Variants in BOD1L1 observed in about 807,000 individuals in gnomAD.
BOD1L1 encodes the protein biorientation of chromosomes in cell division 1 like 1, also known as biorientation of chromosomes in cell division protein 1-like 1.
Under a neutral mutation model 240.7 loss-of-function variants are expected in BOD1L1, and 86 were observed. The ratio of observed to expected loss-of-function variants is 0.36; its 90% CI spans 0.30 to 0.43. The LOEUF is 0.43. Among genes scored for constraint, BOD1L1 ranks in the 20% least tolerant of loss-of-function variants. BOD1L1 has a pLI of 1.00. For missense variants in BOD1L1, 3,554 were observed against 3,643.5 expected (o/e 0.98, Z 0.63); for synonymous variants, 1,268 against 1,272.3 (o/e 1.00, Z 0.07).
At position 13,600,089 on chromosome 4, in the gene BOD1L1, C is replaced by T; in HGVS notation, c.6811G>A (p.Ala2271Thr). ...VEDCEGPVSS[A>T]VPQEEGDPSV... ...GGGTCGCCTTCCTCTTGAGGGACAG[C>T]ACTGGACACTGGGCCCTCACAGTCT... Residue 2271 changes from alanine (A) to threonine (T), a missense_variant, in exon 10 of 26, where the codon GCT becomes ACT. Around this residue, in one of 2 missense-constraint regions of BOD1L1, gnomAD observed 3,393 missense variants for 3,427.1 expected, o/e 0.99. Coordinates refer to ENST00000040738, the MANE Select transcript of BOD1L1 (RefSeq NM_148894.3). 6.2e-7 allele frequency: 1 copy of T among 1,613,738 alleles called. No homozygotes were observed. The highest frequency in any genetic ancestry group is 8.5e-7 in the Non-Finnish European group (1 of 1,179,798).
chr4:13,582,577 T>C (rs1713319919), intron 18 of BOD1L1, 75 bp downstream of exon 18: 3 of 1,120,778 alleles, frequency 2.7e-6, no homozygotes, highest in South Asian at 1.3e-5. Flanking sequence ...ATGAGCAAAA[T>C]AGACGTTTCG....
Position 13,601,914 on chromosome 4 carries a change from T to C in BOD1L1, c.4986A>G (p.Lys1662=). Residue 1662 remains lysine (K), a synonymous_variant, in exon 10 of 26, where the codon AAA becomes AAG. Coordinates refer to ENST00000040738, the MANE Select transcript of BOD1L1 (RefSeq NM_148894.3). The stretch of plus-strand genomic sequence containing the variant: ...AGTCTCTACTTAAAGAACCATCACA[T>C]TTTTCTTCAGAGCCTGCACTGGTTA... ...DAVTSAGSEE[K]CDGSLSRDSE... The C allele has an allele frequency of 6.2e-7, 1 of 1,613,946 alleles. No homozygotes were observed. Among genetic ancestry groups the C allele is most frequent in the Non-Finnish European group, 8.5e-7 (1 of 1,179,880 alleles).
chr4:13,626,975 C>T (rs144246917), intron 1 of BOD1L1, among the ~76,000 whole-genome samples: 1 of 152,306 alleles, frequency 6.6e-6, no homozygotes, highest in African/African-American at 2.4e-5. Context: ...AGGCCCTTAC[C>T]GCCCAGAAAC....
chr4:13,627,113 C>A (rs1717453123), intron 1 of BOD1L1, among the ~76,000 whole-genome samples: 1 of 152,222 alleles, frequency 6.6e-6, no homozygotes, highest in Admixed American at 6.5e-5. Flanking sequence ...ATGCCTTAGT[C>A]TTGCTCATCA....
rs1322410435 is a variant in BOD1L1 at position 13,614,339 on chromosome 4, T to C, written c.1031A>G (p.Lys344Arg). ...ACTCTTTTTTGAGTGATCAAATTTC[T>C]TTTCAGTCTTTTCCTTCTTTTCTTT... is the stretch of plus-strand genomic sequence containing the variant. ...RKKEKKEKTE[K>R]KFDHSKKSED... is the part of the protein sequence containing the mutation. The change falls in exon 4 of 26, where the codon AAG becomes AGG. Residue 344 changes from lysine to arginine, a missense_variant. Around this residue, in one of 2 missense-constraint regions of BOD1L1, gnomAD observed 3,393 missense variants for 3,427.1 expected, o/e 0.99. Coordinates refer to ENST00000040738, the MANE Select transcript of BOD1L1 (RefSeq NM_148894.3). 7 of 1,550,718 alleles carry C rather than the reference T, an allele frequency of 4.5e-6. No homozygotes were observed. The highest frequency in any genetic ancestry group is 6.1e-6 in the Non-Finnish European group (7 of 1,146,906).
intron 25 of BOD1L1, chr4:13,572,811 T>C (rs1560174907): frequency 2.3e-6 from 3 of 1,289,810 alleles, no homozygotes; most frequent in African/African-American, 3.0e-5. Flanking sequence ...AGTTTGGATG[T>C]TGCACGTGCA....
chr4:13,619,571 GTC>G (rs1420131034), intron 2 of BOD1L1, among the ~76,000 whole-genome samples: 1 of 152,118 alleles, frequency 6.6e-6, no homozygotes, highest in East Asian at 1.9e-4. Flanking sequence ...AATCTTTAAT[GTC>G]TTTATTTGTA....
chr4:13,615,055 G>T (rs1228377353), intron 3 of BOD1L1, among the ~76,000 whole-genome samples: 1 of 152,072 alleles, frequency 6.6e-6, no homozygotes, highest in Non-Finnish European at 1.5e-5. Context: ...CCTAGAAAAA[G>T]ACTATATTCT....
chr4:13,614,715 T>C lies in BOD1L1; in HGVS notation c.655A>G (p.Arg219Gly), dbSNP rs750470761. The C allele has an allele frequency of 6.2e-7, 1 of 1,613,956 alleles. No homozygotes were observed. Among genetic ancestry groups the C allele is most frequent in the Non-Finnish European group, 8.5e-7 (1 of 1,179,862 alleles). ...GCATTTGATGTTTCTGTTGAAGCCC[T>C]AGCAGCACTGGCTTCTTGGTTAAGA... ...TSLNQEASAA[R>G]ASTETSNAKT... The change falls in exon 4 of 26, where the codon AGG becomes GGG. Residue 219 changes from arginine to glycine, a missense_variant. Physicochemically the swap from Arg to Gly is moderately radical, Grantham distance 125. Coordinates refer to ENST00000040738, the MANE Select transcript of BOD1L1 (RefSeq NM_148894.3).
intron 25 of BOD1L1, among the ~76,000 whole-genome samples, chr4:13,573,168 C>T (rs1253641926): frequency 1.3e-5 from 2 of 152,082 alleles, no homozygotes; most frequent in African/African-American, 2.4e-5. Context: ...AATAAAGGGC[C>T]AAGATTAACG....
intron 17 of BOD1L1, among the ~76,000 whole-genome samples, chr4:13,585,829 C>T (rs1713636058): frequency 6.6e-6 from 1 of 152,204 alleles, no homozygotes. Flanking sequence ...AGTTCCCCTG[C>T]ACATGCCCTC....
intron 9 of BOD1L1, among the ~76,000 whole-genome samples, chr4:13,606,587 C>T (rs901608574): frequency 2.6e-5 from 4 of 152,106 alleles, no homozygotes; most frequent in East Asian, 1.9e-4. Flanking sequence ...TGGAAACAAC[C>T]TAAGCGCTAA....
At chr4:13,573,328 C>T (rs1481917518) in intron 25 of BOD1L1, among the ~76,000 whole-genome samples, 1 of 152,130 alleles carries the variant, frequency 6.6e-6, no homozygotes, top group Non-Finnish European at 1.5e-5. Flanking sequence ...TGAGGATGCA[C>T]ACTGAAGAAC....
At chr4:13,619,649 T>C (rs1477613518) in intron 2 of BOD1L1, among the ~76,000 whole-genome samples, 1 of 152,236 alleles carries the variant, frequency 6.6e-6, no homozygotes, top group Non-Finnish European at 1.5e-5. Flanking sequence ...GGCAACTGTA[T>C]ATATCATCTA....
chr4:13,595,997 G>A lies in BOD1L1; in HGVS notation c.8020-53C>T, dbSNP rs891019359. ...AAGTTAACCAGGGTTTTTACAAGAAGACTAACCTCAAGTGAATTAAACAAA... is the reference window on the plus strand; with the variant it reads ...AAGTTAACCAGGGTTTTTACAAGAAAACTAACCTCAAGTGAATTAAACAAA... On this transcript the variant is annotated intron_variant, in intron 11 of 25. Transcript: ENST00000040738. 4 of 1,454,406 alleles carry A rather than the reference G, an allele frequency of 2.8e-6. No individual in the cohort carries two copies. The African/African-American group carries it at 4.3e-5, about 16-fold the overall frequency. 90.1% of individuals were successfully genotyped at this position (1,454,406 alleles called of 1,614,324 possible).
chr4:13,604,443 A>G lies in BOD1L1; in HGVS notation c.2457T>C (p.Asn819=). 4 of 1,565,508 alleles carry G rather than the reference A, an allele frequency of 2.6e-6. No homozygotes were observed. The highest frequency in any genetic ancestry group is 3.4e-6 in the Non-Finnish European group (4 of 1,165,562). ...CTTTTTTGTTGTTTTCTTTACGAAC[A>G]TTCTCATCTGTTTTTATAATATATT... ...VSEYIIKTDE[N]VRKENNKKER... is the part of the protein sequence containing the mutation. The change falls in exon 10 of 26, where the codon AAT becomes AAC. Residue 819 remains asparagine (N), a synonymous_variant. Coordinates refer to ENST00000040738, the MANE Select transcript of BOD1L1 (RefSeq NM_148894.3).
chr4:13,573,259 A>T (rs748904257), intron 25 of BOD1L1, among the ~76,000 whole-genome samples: 4 of 152,182 alleles, frequency 2.6e-5, no homozygotes, highest in Non-Finnish European at 4.4e-5. Flanking sequence ...TGATTCCAGT[A>T]AAAACTCTGA....
Position 13,613,718 on chromosome 4 carries a change from C to A in BOD1L1, c.1175-57G>T. 1 of 1,341,358 alleles carries A rather than the reference C, an allele frequency of 7.5e-7. No homozygotes were observed. The allele number at this position is 1,341,358 out of a possible 1,614,324, so 83.1% of individuals were successfully genotyped here. On this transcript the variant is annotated intron_variant, in intron 4 of 25. Coordinates refer to ENST00000040738, the MANE Select transcript of BOD1L1 (RefSeq NM_148894.3). This position sits in a 1 kb window ranked among gnomAD's most constrained non-coding sequence, Gnocchi z 4.0. ...AATCATCTTATTATAAGAACATACT[C>A]AGAGCTCAATTACTAAATTACACTT...
In BOD1L1 at chr4:13,585,873, C is replaced by T. The variant is rs371337042; in HGVS notation, c.8433+523G>A. Among the ~76,000 whole-genome samples, 30 of 152,294 alleles carry T rather than the reference C, an allele frequency of 2.0e-4. No individual in the cohort carries two copies. In the East Asian group the frequency reaches 4.2e-3, roughly 22 times the overall value. On this transcript the variant is annotated intron_variant, in intron 17 of 25. Coordinates refer to ENST00000040738, the MANE Select transcript of BOD1L1 (RefSeq NM_148894.3). ...TGTCATGTTAAGACGTGACTTTGCT[C>T]CTCCTTTGCCTTCTACCATGATTGT...
Sources: gnomAD v4.1 joint callset for allele counts (sites outside exome capture counted in the v4.1 genomes callset) on GRCh38, gnomAD v4.1.1 for gene constraint, gnomAD v4.1.1 regional missense constraint, Gnocchi (gnomAD v3.1) non-coding constraint, MANE v1.5 for transcripts, NCBI Gene and HGNC (gene_info 2026-07-23, HGNC 2026-07-21) for gene names.